The following THAP4 variants were observed in gnomAD, a reference collection of about 807,000 sequenced individuals.
THAP4 encodes the protein THAP domain containing 4, also known as peroxynitrite isomerase THAP4.
In THAP4, 18 loss-of-function variants were observed where a neutral mutation model predicts 48.1. The ratio of observed to expected loss-of-function variants is 0.37; its 90% CI spans 0.26 to 0.56. The LOEUF (loss-of-function observed/expected upper bound fraction) is 0.56. Ranked by LOEUF, THAP4 falls within the 20% of genes least tolerant of loss-of-function variation. The pLI, the probability that THAP4 is intolerant of heterozygous loss-of-function variation, is 0.78. For synonymous variants in THAP4, 345 were observed against 324.9 expected (o/e 1.06, Z -0.66); for missense variants, 656 against 774.9 (o/e 0.85, Z 1.82).
chr2:241,602,819 C>G (rs955207707), intron 4 of THAP4, 151 bp downstream of exon 4: 12 of 646,200 alleles, frequency 1.9e-5, no homozygotes, highest in Non-Finnish European at 2.8e-5. Context: ...CGCAGGCTCC[C>G]AGGACCACTC....
chr2:241,608,511 G>A (rs1010052631), intron 2 of THAP4, among the ~76,000 whole-genome samples: 6 of 152,216 alleles, frequency 3.9e-5, no homozygotes, highest in African/African-American at 1.4e-4. Flanking sequence ...TAGACAATAA[G>A]AGAATTTTTA....
At position 241,633,503 on chromosome 2, in the gene THAP4, C is replaced by T. The variant is rs1326242247; in HGVS notation, c.654G>A (p.Met218Ile). Reference sequence around the variant, plus strand: ...CAGATCCTGGGGGCGTAAAGTCATCCATAGAAATGCCACTCTTATCTGTCA... The same window carrying T: ...CAGATCCTGGGGGCGTAAAGTCATCTATAGAAATGCCACTCTTATCTGTCA... Reference protein sequence around the residue: ...GGVTDKSGISMDDFTPPGSGA... With the variant: ...GGVTDKSGISIDDFTPPGSGA... The change falls in exon 2 of 6, where the codon ATG (methionine) becomes ATA (isoleucine). Residue 218 changes from methionine (M) to isoleucine (I), a missense_variant. Met to Ile is a conservative substitution (Grantham distance 10). This residue lies in a region of THAP4 where 391 missense variants were observed against 412.4 expected (regional missense o/e 0.95). Coordinates refer to ENST00000407315, the MANE Select transcript of THAP4 (RefSeq NM_015963.6). This position sits in a 1 kb window ranked among gnomAD's most constrained non-coding sequence, Gnocchi z 7.5. The T allele has an allele frequency of 3.1e-6, 5 of 1,614,122 alleles. No homozygotes were observed. Among genetic ancestry groups the T allele is most frequent in the Admixed American group, 3.3e-5 (2 of 60,028 alleles).
At chr2:241,628,054 C>T (rs1345919432) in intron 2 of THAP4, among the ~76,000 whole-genome samples, 3 of 152,154 alleles carry the variant, frequency 2.0e-5, no homozygotes, top group Non-Finnish European at 2.9e-5. Flanking sequence ...CCACCAGCCT[C>T]TCCAGTGAGA....
rs1575041381 is a variant in THAP4, at chr2:241,633,336, A to G, written c.821T>C (p.Leu274Pro). 6.2e-7 allele frequency: 1 copy of G among 1,611,956 alleles called. No homozygotes were observed. Among genetic ancestry groups the G allele is most frequent in the East Asian group, 2.2e-5 (1 of 44,790 alleles). ...CTGGGCCAGGCCCTTGTCGGGTCCC[A>G]GGCTGCTCCCACTGCAGCTTGGTTC... The part of the protein sequence containing the change: ...DVEPSCSGSS[L>P]GPDKGLAQSP... The change falls in exon 2 of 6, where the codon CTG becomes CCG. Residue 274 changes from leucine (L) to proline (P), a missense_variant. Transcript: ENST00000407315. The surrounding 1 kb of genome is among the most constrained non-coding windows in gnomAD (Gnocchi z 7.5).
At chr2:241,625,797 C>CAAAAAAAAAAAAAA (rs147602587) in intron 2 of THAP4, among the ~76,000 whole-genome samples, 5 of 50,156 alleles carry the variant, frequency 1.0e-4, no homozygotes, top group Non-Finnish European at 9.6e-5. Context: ...GACTCCGTCT[C>CAAAAAAAAAAAAAA]AAAAAAAAAA....
In THAP4 at chr2:241,588,511, A is replaced by G. The variant is rs189664757; in HGVS notation, c.1615-3786T>C. Among the ~76,000 whole-genome samples, 6 of 152,362 alleles carry G rather than the reference A, an allele frequency of 3.9e-5. No individual in the cohort carries two copies. The East Asian group carries it at 9.6e-4, about 24-fold the overall frequency. Reference sequence around the variant, plus strand: ...AAAGAAAAAGAAGAAAAGTTGGGTAACTTCTATCACCTGATTCAATATAAA... The same window carrying G: ...AAAGAAAAAGAAGAAAAGTTGGGTAGCTTCTATCACCTGATTCAATATAAA... On this transcript the variant is annotated intron_variant, in intron 5 of 5. Transcript: ENST00000407315.
intron 2 of THAP4, among the ~76,000 whole-genome samples, chr2:241,625,481 CAA>C (rs67920958): frequency 1.8e-3 from 162 of 88,410 alleles, no homozygotes; most frequent in African/African-American, 2.6e-3. Flanking sequence ...GACACTGTCT[CAA>C]AAAAAAAAAA....
upstream of THAP4, chr2:241,637,575 G>A (rs1287442738): frequency 1.3e-6 from 2 of 1,511,868 alleles, no homozygotes; most frequent in Non-Finnish European, 1.8e-6. Context: ...CGGCTCCCGC[G>A]TATTTCCGCT....
At chr2:241,588,998 T>G (rs1485511377) in intron 5 of THAP4, among the ~76,000 whole-genome samples, 1 of 152,106 alleles carries the variant, frequency 6.6e-6, no homozygotes, top group African/African-American at 2.4e-5. Flanking sequence ...GTGGATCACC[T>G]GACGTCAGGT....
rs557930238 is a variant in THAP4 at position 241,629,234 on chromosome 2, C to G, written c.1240+3683G>C. 4.8e-4 allele frequency among the ~76,000 whole-genome samples: 73 copies of G among 152,136 alleles called. 1 individual carries two copies. In the South Asian group the frequency reaches 0.015, roughly 31 times the overall value. On this transcript the variant is annotated intron_variant, in intron 2 of 5. Transcript: ENST00000407315. ...ATTATAAACCCAGAGCTTTGGGAGG[C>G]TGAGACGGGAAGATCCCTTGAAGCC...
At chr2:241,618,295 T>C (rs1427934261) in intron 2 of THAP4, among the ~76,000 whole-genome samples, 4 of 152,196 alleles carry the variant, frequency 2.6e-5, no homozygotes, top group Non-Finnish European at 5.9e-5. Context: ...CAGCAAGTAT[T>C]TCTATAAAAT....
At chr2:241,635,903 C>T (rs2067639056) in intron 1 of THAP4, among the ~76,000 whole-genome samples, 2 of 152,168 alleles carry the variant, frequency 1.3e-5, no homozygotes, top group African/African-American at 4.8e-5. Context: ...ATGGACTGGG[C>T]CGTTCTAAGC....
At chr2:241,591,377 A>G (rs1215926906) in intron 5 of THAP4, among the ~76,000 whole-genome samples, 2 of 152,236 alleles carry the variant, frequency 1.3e-5, no homozygotes, top group Admixed American at 1.3e-4. Flanking sequence ...TGACTGGCGC[A>G]GCGTTACAAG....
intron 5 of THAP4, among the ~76,000 whole-genome samples, chr2:241,598,008 AAT>A (rs1275975720): frequency 6.6e-6 from 1 of 152,140 alleles, no homozygotes; most frequent in Non-Finnish European, 1.5e-5. Flanking sequence ...ACCCTGATAA[AAT>A]AGATAACCTC....
intron 2 of THAP4, among the ~76,000 whole-genome samples, chr2:241,618,926 T>C (rs2067378689): frequency 3.3e-5 from 5 of 152,146 alleles, no homozygotes; most frequent in Admixed American, 3.3e-4. Context: ...GCCTGCTCTG[T>C]AGCGAAGCTG....
chr2:241,602,333 CACTGATCT>C (rs1003667869), intron 4 of THAP4, among the ~76,000 whole-genome samples: 93 of 151,808 alleles, frequency 6.1e-4, no homozygotes, highest in Admixed American at 2.0e-4. Context: ...CAGGAAGAAA[CACTGATCT>C]AGAGTCACGC....
chr2:241,606,193 G>A, intron 3 of THAP4, 121 bp downstream of exon 3: 1 of 901,480 alleles, frequency 1.1e-6, no homozygotes, highest in Non-Finnish European at 1.6e-6. Flanking sequence ...TTCTGAAATA[G>A]ATGGACAAGT....
At chr2:241,590,598 C>T in intron 5 of THAP4, among the ~76,000 whole-genome samples, 1 of 151,014 alleles carries the variant, frequency 6.6e-6, no homozygotes, top group Non-Finnish European at 1.5e-5. Context: ...ACACTCAGAG[C>T]TGCTCGGCTG....
intron 2 of THAP4, among the ~76,000 whole-genome samples, chr2:241,619,352 A>T (rs981060182): frequency 6.6e-6 from 1 of 152,252 alleles, no homozygotes; most frequent in Non-Finnish European, 1.5e-5. Context: ...GCACTTACTG[A>T]TGGGGGATGC....
Sources: allele counts gnomAD v4.1 joint callset (sites outside exome capture counted in the v4.1 genomes callset), GRCh38; gene constraint gnomAD v4.1.1; regional missense constraint gnomAD v4.1.1; non-coding constraint Gnocchi (gnomAD v3.1); transcripts MANE v1.5; gene names NCBI Gene and HGNC (gene_info 2026-07-23, HGNC 2026-07-21).